Variants in LMNA observed in about 807,000 individuals in gnomAD.
LMNA encodes lamin A/C.
A neutral mutation model predicts 70.4 loss-of-function variants in LMNA; 20 were observed. That is an observed-to-expected ratio of 0.28 (90% CI 0.20 to 0.41). LMNA has a LOEUF of 0.41. Ranked by LOEUF, LMNA falls within the 10% of genes least tolerant of loss-of-function variation. The probability of loss-of-function intolerance (pLI) is 1.00; values close to 1 mark genes in which losing one functional copy is unlikely to be tolerated. For missense variants in LMNA, 652 were observed against 917.2 expected (o/e 0.71, Z 3.73); for synonymous variants, 339 against 372.8 (o/e 0.91, Z 1.04).
In LMNA at chr1:156,133,310, C is replaced by T. The variant is rs571280419; in HGVS notation, c.514-1093C>T. Among the ~76,000 whole-genome samples, 9 of 151,984 alleles carry T rather than the reference C, an allele frequency of 5.9e-5. No homozygotes were observed. The East Asian group carries it at 7.9e-4, about 13-fold the overall frequency. On this transcript the variant is annotated intron_variant, in intron 2 of 11. Transcript: ENST00000368300. ...GCATACGGCTGGGTGTGGTGGCTCA[C>T]GCCTGTAATCCCAGCATTTTGGGAG...
chr1:156,091,080 C>G (rs1006475645), intron 3 of LMNA: 1 of 152,238 alleles, frequency 6.6e-6, no homozygotes, highest in African/African-American at 2.4e-5. Flanking sequence ...CGTTTCCTGA[C>G]TCGGGACGAA....
At position 156,137,266 on chromosome 1, in the gene LMNA, G is replaced by C; in HGVS notation, c.1608+34G>C. 1 of 1,545,884 alleles carries C rather than the reference G, an allele frequency of 6.5e-7. No homozygotes were observed. The highest frequency in any genetic ancestry group is 8.7e-7 in the Non-Finnish European group (1 of 1,150,582). On this transcript the variant is annotated intron_variant, in intron 9 of 11. Transcript: ENST00000368300. The surrounding 1 kb of genome is among the most constrained non-coding windows in gnomAD (Gnocchi z 4.6). ...GCCTGGGCCTGGCTGCTTGCTGGAC[G>C]AGGCTCCCCCTGATGGCCAACATCG...
chr1:156,109,061 A>G (rs1444484913), intron 3 of LMNA, among the ~76,000 whole-genome samples: 1 of 152,214 alleles, frequency 6.6e-6, no homozygotes, highest in Non-Finnish European at 1.5e-5. Context: ...TCTGGGCTTC[A>G]GTTTCCTCAT....
chr1:156,089,984 G>A (rs193281964), intron 2 of LMNA, among the ~76,000 whole-genome samples: 1,959 of 152,134 alleles, frequency 0.013, 28 homozygotes, highest in Non-Finnish European at 0.018. Context: ...GCCAGCTCTG[G>A]TTTCGAGCTG....
rs183205046 is a variant in LMNA at position 156,103,927 on chromosome 1, C to T, written c.-206-10786C>T. Among the ~76,000 whole-genome samples the T allele has an allele frequency of 8.5e-5, 13 of 152,292 alleles. No homozygotes were observed. The highest frequency in any genetic ancestry group is 2.2e-4 in the African/African-American group (9 of 41,560). ...TAGTGGAGTCACTCCTTTCCTTCCC[C>T]GAACCCGGCCTCAGTTCCTGGGACA... On this transcript the variant is annotated intron_variant, in intron 3 of 12. Coordinates refer to the LMNA transcript ENST00000368301. The surrounding 1 kb of genome is among the most constrained non-coding windows in gnomAD (Gnocchi z 4.7).
chr1:156,095,322 A>AT (rs1648893532), intron 3 of LMNA, among the ~76,000 whole-genome samples: 1 of 152,160 alleles, frequency 6.6e-6, no homozygotes, highest in African/African-American at 2.4e-5. Context: ...AAAACCTAGC[A>AT]TATAGGAGGC....
chr1:156,094,815 A>C (rs1310015495), intron 3 of LMNA, among the ~76,000 whole-genome samples: 2 of 151,656 alleles, frequency 1.3e-5, no homozygotes, highest in Non-Finnish European at 2.9e-5. Flanking sequence ...GCTGGAGTGC[A>C]GTGGCATGAT....
At chr1:156,119,252 G>A (rs1558118687) in intron 1 of LMNA, among the ~76,000 whole-genome samples, 1 of 152,074 alleles carries the variant, frequency 6.6e-6, no homozygotes, top group African/African-American at 2.4e-5. Flanking sequence ...CGAGTAGCTG[G>A]GACTACAGGC....
chr1:156,119,956 GT>G (rs1393557972), intron 1 of LMNA, among the ~76,000 whole-genome samples: 2 of 152,320 alleles, frequency 1.3e-5, no homozygotes, highest in South Asian at 2.1e-4. Context: ...AGAATCCAGA[GT>G]TGAGTTCAGA....
rs769977710 is a variant in LMNA at position 156,115,060 on chromosome 1, C to G, written c.142C>G (p.Arg48Gly). The G allele has an allele frequency of 4.4e-6, 7 of 1,593,834 alleles. No individual in the cohort carries two copies. The East Asian group carries it at 1.1e-4, about 26-fold the overall frequency. Residue 48 changes from arginine (R) to glycine (G), a missense_variant, in exon 1 of 12, where the codon CGT becomes GGT. Physicochemically the swap from Arg to Gly is moderately radical, Grantham distance 125 (BLOSUM62 -2). This residue lies in a region of LMNA where 254 missense variants were observed against 421.9 expected (regional missense o/e 0.60). Coordinates refer to ENST00000368300, the MANE Select transcript of LMNA (RefSeq NM_170707.4). This position sits in a 1 kb window ranked among gnomAD's most constrained non-coding sequence, Gnocchi z 5.8. ...LNDRLAVYID[R>G]VRSLETENAG... Reference sequence around the variant, plus strand: ...TGATCGCTTGGCGGTCTACATCGACCGTGTGCGCTCGCTGGAAACGGAGAA... The same window carrying G: ...TGATCGCTTGGCGGTCTACATCGACGGTGTGCGCTCGCTGGAAACGGAGAA...
At chr1:156,126,370 A>T in intron 1 of LMNA, 1 of 729,764 alleles carries the variant, frequency 1.4e-6, no homozygotes, top group Non-Finnish European at 2.2e-6. Context: ...GGGAGAGGAA[A>T]CGGAGGCCTC....
rs1365839749 is a variant in LMNA at position 156,135,288 on chromosome 1, C to T, written c.912C>T (p.Ala304=). 6.2e-7 allele frequency: 1 copy of T among 1,613,584 alleles called. No homozygotes were observed. The highest frequency in any genetic ancestry group is 2.2e-5 in the East Asian group (1 of 44,886). Residue 304 remains alanine, a synonymous_variant, in exon 5 of 12, where the codon GCC becomes GCT. Coordinates refer to ENST00000368300, the MANE Select transcript of LMNA (RefSeq NM_170707.4). The surrounding 1 kb of genome is among the most constrained non-coding windows in gnomAD (Gnocchi z 4.8). ...QSRIRIDSLS[A]QLSQLQKQLA... is the part of the protein sequence containing the mutation. ...GCATCCGCATCGACAGCCTCTCTGCCCAGCTCAGCCAGCTCCAGAAGCAGG... is the reference window on the plus strand; with the variant it reads ...GCATCCGCATCGACAGCCTCTCTGCTCAGCTCAGCCAGCTCCAGAAGCAGG...
In LMNA at chr1:156,137,915, GAACCC is replaced by G; in HGVS notation, c.1698+174_1698+178del. 1 of 1,404,602 alleles carries G rather than the reference GAACCC, an allele frequency of 7.1e-7. No individual in the cohort carries two copies. Among genetic ancestry groups the G allele is most frequent in the Non-Finnish European group, 9.5e-7 (1 of 1,054,882 alleles). The allele number at this position is 1,404,602 out of a possible 1,614,324, so 87.0% of individuals were successfully genotyped here. A position where few individuals can be genotyped will look rare whatever the true frequency, so the allele number is the denominator to read the frequency against. On this transcript the variant is annotated intron_variant, in intron 10 of 11. Coordinates refer to ENST00000368300, the MANE Select transcript of LMNA (RefSeq NM_170707.4). This position sits in a 1 kb window ranked among gnomAD's most constrained non-coding sequence, Gnocchi z 4.6. ...CTCTCCTCCCTATACCTTGAACAGG[GAACCC>G]AGGTGTCTGGGTGCCCTACTCTGGT...
Position 156,114,989 on chromosome 1 carries a change from C to G in LMNA, c.71C>G (p.Thr24Ser), listed in dbSNP as rs1195524446. Residue 24 changes from threonine (T) to serine (S), a missense_variant, in exon 1 of 12, where the codon ACC (threonine) becomes AGC (serine). Around this residue, in one of 4 missense-constraint regions of LMNA, gnomAD observed 254 missense variants for 421.9 expected, o/e 0.60. Coordinates refer to ENST00000368300, the MANE Select transcript of LMNA (RefSeq NM_170707.4). Reference sequence around the variant, plus strand: ...GCCAGCTCCACTCCGCTGTCGCCCACCCGCATCACCCGGCTGCAGGAGAAG... The same window carrying G: ...GCCAGCTCCACTCCGCTGTCGCCCAGCCGCATCACCCGGCTGCAGGAGAAG... ...AQASSTPLSP[T>S]RITRLQEKED... The G allele has an allele frequency of 6.3e-7, 1 of 1,598,110 alleles. No homozygotes were observed. The highest frequency in any genetic ancestry group is 1.1e-5 in the South Asian group (1 of 88,386).
chr1:156,082,822 G>T (rs1300367703), intron 1 of LMNA: 7 of 151,004 alleles, frequency 4.6e-5, no homozygotes, highest in Non-Finnish European at 1.0e-4. Flanking sequence ...AATGAGGAGG[G>T]GGGGCCGGGG....
intron 2 of LMNA, among the ~76,000 whole-genome samples, chr1:156,086,512 C>A (rs1235789794): frequency 6.6e-6 from 1 of 152,158 alleles, no homozygotes; most frequent in African/African-American, 2.4e-5. Context: ...TACACACACA[C>A]AAGCCAGGCT....
At chr1:156,087,645 C>A (rs747658230) in intron 2 of LMNA, among the ~76,000 whole-genome samples, 5 of 151,932 alleles carry the variant, frequency 3.3e-5, no homozygotes, top group Admixed American at 1.3e-4. Flanking sequence ...CCTTGATCTC[C>A]CAGGATAAAG....
intron 3 of LMNA, among the ~76,000 whole-genome samples, chr1:156,106,254 G>A (rs1021742141): frequency 9.9e-5 from 15 of 152,230 alleles, no homozygotes; most frequent in Non-Finnish European, 1.9e-4. Context: ...TTGAGGGTGA[G>A]GGAGAAAGGG....
At chr1:156,097,463 T>C (rs527880964) in intron 3 of LMNA, among the ~76,000 whole-genome samples, 8 of 152,364 alleles carry the variant, frequency 5.3e-5, no homozygotes, top group African/African-American at 1.7e-4. Context: ...ACGCCGTACA[T>C]GCACATATCA....
Sources: allele counts gnomAD v4.1 joint callset (sites outside exome capture counted in the v4.1 genomes callset), GRCh38; gene constraint gnomAD v4.1.1; regional missense constraint gnomAD v4.1.1; non-coding constraint Gnocchi (gnomAD v3.1); transcripts MANE v1.5; gene names NCBI Gene and HGNC (gene_info 2026-07-23, HGNC 2026-07-21).